The following NSRP1 variants were observed in gnomAD, a reference collection of about 807,000 sequenced individuals.
NSRP1 encodes nuclear speckle splicing regulatory protein 1, also known as coiled-coil domain containing 55.
A neutral mutation model predicts 54.7 loss-of-function variants in NSRP1; 24 were observed. That is an observed-to-expected ratio of 0.44 (90% CI 0.32 to 0.62). The LOEUF (loss-of-function observed/expected upper bound fraction) is 0.62, where lower values mean the gene tolerates loss of function less well. Ranked by LOEUF, NSRP1 falls within the 20% of genes least tolerant of loss-of-function variation. The pLI is 0.06. For synonymous variants in NSRP1, 210 were observed against 213.8 expected (o/e 0.98, Z 0.15); for missense variants, 596 against 651.2 (o/e 0.92, Z 0.92).
chr17:30,125,578 A>G (rs1196811428), intron 2 of NSRP1, among the ~76,000 whole-genome samples: 1 of 152,144 alleles, frequency 6.6e-6, no homozygotes, highest in African/African-American at 2.4e-5. Flanking sequence ...GACAGAGTCT[A>G]GCTCTGTCAT....
chr17:30,147,849 TC>T (rs949063643), intron 2 of NSRP1, among the ~76,000 whole-genome samples: 1 of 151,602 alleles, frequency 6.6e-6, no homozygotes, highest in African/African-American at 2.4e-5. Context: ...TTCGCTCTTG[TC>T]CCCCTGGCTG....
chr17:30,154,026 T>C (rs2071938042), intron 2 of NSRP1, among the ~76,000 whole-genome samples: 1 of 152,040 alleles, frequency 6.6e-6, no homozygotes, highest in African/African-American at 2.4e-5. Flanking sequence ...AAAGATAATA[T>C]TAGGGCCAGG....
intron 2 of NSRP1, among the ~76,000 whole-genome samples, chr17:30,146,749 C>T (rs1034514552): frequency 2.6e-5 from 4 of 152,130 alleles, no homozygotes; most frequent in African/African-American, 7.2e-5. Flanking sequence ...GATTTAGAGG[C>T]GTGCAGCACC....
chr17:30,123,831 G>A (rs759535524), intron 2 of NSRP1, among the ~76,000 whole-genome samples: 3 of 151,778 alleles, frequency 2.0e-5, no homozygotes, highest in South Asian at 2.1e-4. Flanking sequence ...CCATTAAATC[G>A]TCCATCGTCT....
chr17:30,181,862 G>A (rs1018179982), intron 6 of NSRP1, among the ~76,000 whole-genome samples: 1 of 151,608 alleles, frequency 6.6e-6, no homozygotes, highest in African/African-American at 2.4e-5. Context: ...CACCCGCCTC[G>A]GCCTCCCAAA....
intron 3 of NSRP1, chr17:30,177,847 C>T (rs764510079): frequency 6.0e-5 from 35 of 579,918 alleles, no homozygotes; most frequent in Non-Finnish European, 1.0e-4. Flanking sequence ...AATTAAGGTA[C>T]CAAAAGATTA....
intron 2 of NSRP1, among the ~76,000 whole-genome samples, chr17:30,138,588 A>G (rs2071770206): frequency 6.6e-6 from 1 of 152,192 alleles, no homozygotes; most frequent in Non-Finnish European, 1.5e-5. Flanking sequence ...TCTTCAGTAC[A>G]GGCAGTTTTT....
chr17:30,122,348 GTTTCATATATA>G (rs1291676646), intron 2 of NSRP1: 45 of 42,902 alleles, frequency 1.0e-3, no homozygotes, highest in African/African-American at 3.7e-3. Flanking sequence ...GATAACTCTG[GTTTCATATATA>G]TATATATATA....
intron 3 of NSRP1, among the ~76,000 whole-genome samples, chr17:30,173,207 G>A (rs1181935490): frequency 2.0e-5 from 3 of 152,074 alleles, no homozygotes; most frequent in Non-Finnish European, 4.4e-5. Context: ...CAGGTGATCC[G>A]CCAACCTCAG....
rs190088186 is a variant in NSRP1 at position 30,123,163 on chromosome 17, G to A, written c.114+4990G>A. ...AGCCCAGGCTGGAGTGCAGTGGCAC[G>A]AACTTGGCTCACTACAACCTCCACC... On this transcript the variant is annotated intron_variant, in intron 2 of 6. Coordinates refer to ENST00000247026, the MANE Select transcript of NSRP1 (RefSeq NM_032141.4). Among the ~76,000 whole-genome samples the A allele has an allele frequency of 1.0e-3, 154 of 152,222 alleles. 2 individuals carry two copies. The Middle Eastern group carries it at 0.01, about 10-fold the overall frequency.
In NSRP1 at chr17:30,184,609, T is replaced by C. The variant is rs1356801473; in HGVS notation, c.618-6T>C. 6.5e-7 allele frequency: 1 copy of C among 1,532,102 alleles called. No homozygotes were observed. The highest frequency in any genetic ancestry group is 1.4e-5 in the African/African-American group (1 of 71,686). 94.9% of individuals were successfully genotyped at this position (1,532,102 alleles called of 1,614,324 possible). On this transcript the variant is annotated splice_polypyrimidine_tract_variant and splice_region_variant and intron_variant, in intron 6 of 6. Transcript: ENST00000247026. ...TTTCTGCCCTTTTTTGTTTTTTGTTTCTAAGATCTGGTATAAAGGAAGAAA... is the reference window on the plus strand; with the variant it reads ...TTTCTGCCCTTTTTTGTTTTTTGTTCCTAAGATCTGGTATAAAGGAAGAAA...
chr17:30,178,006 G>A (rs7221154), intron 3 of NSRP1, 65 bp from the exon 4 acceptor site: 716,853 of 1,504,378 alleles, frequency 0.48, 175,834 homozygotes, highest in East Asian at 0.81. Flanking sequence ...TTCTCAAAAA[G>A]CATAGACTTT....
chr17:30,117,427 T>G (rs2151869116), intron 1 of NSRP1: 1 of 436,310 alleles, frequency 2.3e-6, no homozygotes, highest in Non-Finnish European at 4.1e-6. Flanking sequence ...ATCCTTACTT[T>G]TGATGCGGCC....
intron 2 of NSRP1, among the ~76,000 whole-genome samples, chr17:30,129,839 A>G (rs1293264633): frequency 1.3e-5 from 2 of 152,212 alleles, no homozygotes; most frequent in Admixed American, 1.3e-4. Flanking sequence ...AATTTAGGTT[A>G]TTTTAATGAT....
chr17:30,130,398 G>A (rs549118390), intron 2 of NSRP1, among the ~76,000 whole-genome samples: 5 of 152,020 alleles, frequency 3.3e-5, no homozygotes, highest in Non-Finnish European at 7.4e-5. Context: ...TATGCCCAGC[G>A]TCCACTAGTC....
At chr17:30,135,466 TTTTTG>T (rs751701266) in intron 2 of NSRP1, among the ~76,000 whole-genome samples, 8 of 150,444 alleles carry the variant, frequency 5.3e-5, no homozygotes, top group Non-Finnish European at 1.2e-4. Flanking sequence ...TGGCACCAGT[TTTTTG>T]TTTTGTTTTG....
chr17:30,122,385 A>T (rs12936048), intron 2 of NSRP1: 97 of 16,366 alleles, frequency 5.9e-3, no homozygotes, highest in Admixed American at 0.01. Context: ...ATATATATAT[A>T]TTTTTTTTTT....
At chr17:30,146,877 C>T (rs1404719990) in intron 2 of NSRP1, among the ~76,000 whole-genome samples, 2 of 152,232 alleles carry the variant, frequency 1.3e-5, no homozygotes, top group East Asian at 3.9e-4. Context: ...AGGCGCAAGC[C>T]ACCACACCTG....
chr17:30,139,560 A>G (rs548615770), intron 2 of NSRP1, among the ~76,000 whole-genome samples: 1 of 151,194 alleles, frequency 6.6e-6, no homozygotes, highest in African/African-American at 2.4e-5. Flanking sequence ...TGTGTTTGCT[A>G]TTAAGTCGCA....
Sources: allele counts gnomAD v4.1 joint callset (sites outside exome capture counted in the v4.1 genomes callset), GRCh38; gene constraint gnomAD v4.1.1; transcripts MANE v1.5; gene names NCBI Gene and HGNC (gene_info 2026-07-23, HGNC 2026-07-21).